Variants in ACOXL observed in about 807,000 individuals in gnomAD.
The protein encoded by ACOXL is acyl-CoA oxidase like, also known as acyl-coenzyme A oxidase-like protein.
ACOXL carries 70 observed loss-of-function variants against 71.9 expected under a neutral mutation model. That is an observed-to-expected ratio of 0.97 (90% CI 0.80 to 1.19). The LOEUF (loss-of-function observed/expected upper bound fraction) is 1.19, where lower values mean the gene tolerates loss of function less well. Ranked by LOEUF, ACOXL falls within the 50% of genes most tolerant of loss-of-function variation. The pLI is 0.00. For synonymous variants in ACOXL, 253 were observed against 281.6 expected (o/e 0.90, Z 1.02); for missense variants, 703 against 736.3 (o/e 0.95, Z 0.52).
At chr2:110,905,114 C>G (rs2059393271) in intron 10 of ACOXL, among the ~76,000 whole-genome samples, 11 of 152,080 alleles carry the variant, frequency 7.2e-5, no homozygotes, top group Admixed American at 7.2e-4. Flanking sequence ...GGTGCTGGGC[C>G]TCGCAGGAGG....
chr2:110,900,965 G>T (rs1198886894), intron 10 of ACOXL, among the ~76,000 whole-genome samples: 1 of 152,234 alleles, frequency 6.6e-6, no homozygotes, highest in East Asian at 1.9e-4. Flanking sequence ...AGGGGCTTCT[G>T]TGGTCTCCAC....
chr2:110,832,321 G>A (rs1006125642), intron 9 of ACOXL, among the ~76,000 whole-genome samples: 1 of 151,982 alleles, frequency 6.6e-6, no homozygotes, highest in Non-Finnish European at 1.5e-5. Flanking sequence ...GGTGGATCAT[G>A]AGGTCAGGAG....
intron 1 of ACOXL, among the ~76,000 whole-genome samples, chr2:110,743,998 G>C (rs1202207136): frequency 6.6e-6 from 1 of 152,172 alleles, no homozygotes; most frequent in Non-Finnish European, 1.5e-5. Flanking sequence ...GCTGCCTCTG[G>C]GGCCCCCCAG....
At chr2:110,810,504 C>A (rs1687183645) in intron 9 of ACOXL, among the ~76,000 whole-genome samples, 1 of 152,032 alleles carries the variant, frequency 6.6e-6, no homozygotes, top group Non-Finnish European at 1.5e-5. Flanking sequence ...CACCCACTCA[C>A]CCATTCACCC....
intron 1 of ACOXL, among the ~76,000 whole-genome samples, chr2:110,767,475 T>C (rs769042111): frequency 2.0e-5 from 3 of 152,180 alleles, no homozygotes; most frequent in Non-Finnish European, 4.4e-5. Flanking sequence ...GCAAGTGGGC[T>C]CCCAGAGCAG....
intron 2 of ACOXL, among the ~76,000 whole-genome samples, chr2:110,780,351 G>A (rs1396548748): frequency 6.6e-6 from 1 of 152,242 alleles, no homozygotes; most frequent in African/African-American, 2.4e-5. Context: ...TTGTTGCGAG[G>A]AGTGTAAAAT....
Position 110,793,750 on chromosome 2 carries a change from C to G in ACOXL, c.246+14C>G. On this transcript the variant is annotated intron_variant, in intron 4 of 17. Transcript: ENST00000439055. ...CAGCCACTCCAGGTATGGTATTTTC[C>G]TCAACATTGGTCTTCTATGGAGAGC... 7 of 1,606,716 alleles carry G rather than the reference C, an allele frequency of 4.4e-6. No individual in the cohort carries two copies. The highest frequency in any genetic ancestry group is 5.1e-6 in the Non-Finnish European group (6 of 1,173,350).
At chr2:110,762,799 A>C (rs1024550640) in intron 1 of ACOXL, among the ~76,000 whole-genome samples, 1 of 152,012 alleles carries the variant, frequency 6.6e-6, no homozygotes, top group Non-Finnish European at 1.5e-5. Context: ...GGGACTACAC[A>C]TGCACACAAC....
chr2:110,924,562 T>C (rs2060201665), intron 11 of ACOXL, among the ~76,000 whole-genome samples: 1 of 152,198 alleles, frequency 6.6e-6, no homozygotes, highest in African/African-American at 2.4e-5. Flanking sequence ...CTTTCTTTGC[T>C]CCTTCATGAG....
chr2:110,831,651 G>C (rs188415564), intron 9 of ACOXL, among the ~76,000 whole-genome samples: 1 of 152,210 alleles, frequency 6.6e-6, no homozygotes, highest in African/African-American at 2.4e-5. Flanking sequence ...GAAGAATAAA[G>C]TAGGTAGAAT....
chr2:110,766,766 A>G (rs764399324), intron 1 of ACOXL, among the ~76,000 whole-genome samples: 2 of 152,100 alleles, frequency 1.3e-5, no homozygotes, highest in Non-Finnish European at 2.9e-5. Context: ...TCTTCTTGCT[A>G]GGCCTTGTTG....
At chr2:110,881,010 AT>A (rs1285064701) in intron 10 of ACOXL, among the ~76,000 whole-genome samples, 1 of 152,102 alleles carries the variant, frequency 6.6e-6, no homozygotes, top group East Asian at 1.9e-4. Context: ...TCTTTCTAAA[AT>A]TTTTTATACT....
At chr2:110,754,913 T>C (rs1679469005) in intron 1 of ACOXL, among the ~76,000 whole-genome samples, 2 of 152,360 alleles carry the variant, frequency 1.3e-5, no homozygotes, top group East Asian at 1.9e-4. Flanking sequence ...CAAACTTTTC[T>C]AGAGTTCCAT....
intron 1 of ACOXL, among the ~76,000 whole-genome samples, chr2:110,757,536 C>T (rs748283995): frequency 3.3e-5 from 5 of 152,200 alleles, no homozygotes; most frequent in African/African-American, 9.6e-5. Context: ...AAGTGTTCCT[C>T]GTTCTCCGCA....
chr2:110,777,175 T>C (rs1682758811), intron 2 of ACOXL, among the ~76,000 whole-genome samples: 1 of 152,070 alleles, frequency 6.6e-6, no homozygotes, highest in African/African-American at 2.4e-5. Flanking sequence ...AGGGTCAAGG[T>C]ATGGGGAAGC....
At position 110,798,703 on chromosome 2, in the gene ACOXL, A is replaced by G. The variant is rs1422264217; in HGVS notation, c.439A>G (p.Ile147Val). The change falls in exon 6 of 18, where the codon ATC becomes GTC. Residue 147 changes from isoleucine (I) to valine (V), a missense_variant. Physicochemically the swap from Ile to Val is conservative, Grantham distance 29 (BLOSUM62 3). Coordinates refer to ENST00000439055, the MANE Select transcript of ACOXL (RefSeq NM_001142807.4). ...TTATGCAGCTGTCTTTGCCCAGCTC[A>G]TCATAGATGGAAGATCTCAAGGTTT... ...GNYAAVFAQL[I>V]IDGRSQGPHC... The G allele has an allele frequency of 1.7e-5, 27 of 1,613,634 alleles. No individual in the cohort carries two copies. In the East Asian group the frequency reaches 5.6e-4, roughly 33 times the overall value.
At chr2:110,776,595 T>C (rs556568146) in intron 2 of ACOXL, among the ~76,000 whole-genome samples, 1 of 152,024 alleles carries the variant, frequency 6.6e-6, no homozygotes, top group East Asian at 1.9e-4. Flanking sequence ...ACAGCAGTCA[T>C]GAAGGGCCTA....
intron 2 of ACOXL, among the ~76,000 whole-genome samples, chr2:110,771,223 C>T (rs1056633428): frequency 3.9e-5 from 6 of 152,180 alleles, no homozygotes; most frequent in Non-Finnish European, 7.3e-5. Context: ...TCATGAGACT[C>T]GGCAGCACAT....
intron 9 of ACOXL, among the ~76,000 whole-genome samples, chr2:110,828,974 G>T (rs556266173): frequency 3.3e-5 from 5 of 152,218 alleles, no homozygotes; most frequent in African/African-American, 1.2e-4. Flanking sequence ...ACCACGTCCA[G>T]CTAATTTTGT....
Sources: gnomAD v4.1 joint callset for allele counts (sites outside exome capture counted in the v4.1 genomes callset) on GRCh38, gnomAD v4.1.1 for gene constraint, MANE v1.5 for transcripts, NCBI Gene and HGNC (gene_info 2026-07-23, HGNC 2026-07-21) for gene names.